The following SRGAP3 variants were observed in gnomAD, a reference collection of about 807,000 sequenced individuals.
The protein encoded by SRGAP3 is SLIT-ROBO Rho GTPase-activating protein 3.
Under a neutral mutation model 121.1 loss-of-function variants are expected in SRGAP3, and 39 were observed. The observed-to-expected ratio is 0.32, with a 90% CI of 0.25 to 0.42. The LOEUF is 0.42. SRGAP3 is among the 10% of genes least tolerant of loss of function. The probability of loss-of-function intolerance (pLI) is 1.00; values close to 1 mark genes in which losing one functional copy is unlikely to be tolerated. For missense variants in SRGAP3, 1,213 were observed against 1,470.6 expected, an observed-to-expected ratio of 0.82 and a Z score of 2.86; for synonymous variants, 601 against 570.0, an observed-to-expected ratio of 1.05 and a Z score of -0.77.
At chr3:9,065,531 G>A (rs996875881) in intron 4 of SRGAP3, 1 of 152,136 alleles carries the variant, frequency 6.6e-6, no homozygotes, top group African/African-American at 2.4e-5. Context: ...TCATAGATTT[G>A]CCTTCTGTCA....
intron 1 of SRGAP3, among the ~76,000 whole-genome samples, chr3:9,356,996 C>T (rs1457499897): frequency 1.3e-5 from 2 of 151,914 alleles, no homozygotes; most frequent in East Asian, 3.9e-4. Flanking sequence ...GGTGTGGTGG[C>T]TCATGCCTGT....
intron 12 of SRGAP3, among the ~76,000 whole-genome samples, chr3:9,032,099 C>T (rs1238433237): frequency 6.6e-6 from 1 of 152,154 alleles, no homozygotes; most frequent in African/African-American, 2.4e-5. Context: ...AACTTTTCTC[C>T]CTTCTCCCAG....
chr3:9,080,988 A>G (rs1236668220), intron 3 of SRGAP3, among the ~76,000 whole-genome samples: 1 of 152,172 alleles, frequency 6.6e-6, no homozygotes, highest in Non-Finnish European at 1.5e-5. Context: ...AATCATCCCG[A>G]AACCATCGCC....
intron 3 of SRGAP3, among the ~76,000 whole-genome samples, chr3:9,280,972 G>T (rs372248288): frequency 6.6e-6 from 1 of 152,122 alleles, no homozygotes; most frequent in Non-Finnish European, 1.5e-5. Context: ...TGAATTGTTG[G>T]GGGTGGTGGG....
chr3:9,081,897 A>G lies in SRGAP3; in HGVS notation c.424-1810T>C, dbSNP rs537964267. The stretch of plus-strand genomic sequence containing the variant: ...TCCTATTTTGAAATCCTAACCCCCA[A>G]TGTGATGGTATTAGGAGGTGACGTC... On this transcript the variant is annotated intron_variant, in intron 3 of 21. Transcript: ENST00000383836. Among the ~76,000 whole-genome samples, 10 of 152,230 alleles carry G rather than the reference A, an allele frequency of 6.6e-5. No homozygotes were observed. In the South Asian group the frequency reaches 8.3e-4, roughly 13 times the overall value.
At chr3:9,261,421 C>T (rs1954253229) in intron 3 of SRGAP3, among the ~76,000 whole-genome samples, 1 of 151,912 alleles carries the variant, frequency 6.6e-6, no homozygotes, top group African/African-American at 2.4e-5. Flanking sequence ...GAAGCATGTT[C>T]TAACTAAATG....
intron 11 of SRGAP3, chr3:9,033,664 C>T (rs1316849286): frequency 1.3e-5 from 2 of 152,302 alleles, no homozygotes; most frequent in Non-Finnish European, 2.9e-5. Flanking sequence ...ACGTCGTGAT[C>T]TGCCCGCCTT....
At chr3:9,020,027 C>T (rs1297328867) in intron 14 of SRGAP3, among the ~76,000 whole-genome samples, 1 of 152,224 alleles carries the variant, frequency 6.6e-6, no homozygotes, top group African/African-American at 2.4e-5. Context: ...ACTCTCCTAA[C>T]CCTTACAACA....
intron 1 of SRGAP3, among the ~76,000 whole-genome samples, chr3:9,202,610 C>CCACCCT (rs750708350): frequency 5.6e-4 from 86 of 152,318 alleles, no homozygotes; most frequent in Non-Finnish European, 1.1e-3. Flanking sequence ...CCTGCCTGCC[C>CCACCCT]CACCCTCGAG....
intron 1 of SRGAP3, among the ~76,000 whole-genome samples, chr3:9,132,025 C>T (rs948788989): frequency 1.3e-5 from 2 of 152,158 alleles, no homozygotes; most frequent in Admixed American, 6.5e-5. Context: ...CCTCATACTC[C>T]CCACTGCTCC....
At chr3:9,343,690 A>G (rs1472983910) in intron 1 of SRGAP3, among the ~76,000 whole-genome samples, 1 of 152,188 alleles carries the variant, frequency 6.6e-6, no homozygotes. Context: ...AAATTTTTTG[A>G]GACAGGGTCT....
intron 5 of SRGAP3, among the ~76,000 whole-genome samples, chr3:9,063,927 T>A (rs1297759350): frequency 2.0e-5 from 3 of 152,232 alleles, no homozygotes; most frequent in Non-Finnish European, 2.9e-5. Flanking sequence ...AATTTTGGAA[T>A]GAGCCCTTCA....
At chr3:9,122,606 G>A (rs914558225) in intron 2 of SRGAP3, among the ~76,000 whole-genome samples, 1 of 151,860 alleles carries the variant, frequency 6.6e-6, no homozygotes, top group African/African-American at 2.4e-5. Context: ...CTACTTGGGA[G>A]GCTGAGGCAG....
intron 3 of SRGAP3, among the ~76,000 whole-genome samples, chr3:9,298,569 C>G (rs1954993785): frequency 6.6e-6 from 1 of 152,136 alleles, no homozygotes; most frequent in Non-Finnish European, 1.5e-5. Context: ...TCCTATGTAC[C>G]CTTTCCATAA....
At chr3:9,010,551 A>G (rs1943311663) in intron 17 of SRGAP3, among the ~76,000 whole-genome samples, 164 bp from the exon 18 acceptor site, 1 of 152,188 alleles carries the variant, frequency 6.6e-6, no homozygotes, top group Non-Finnish European at 1.5e-5. Flanking sequence ...GGACCTTCCT[A>G]ATCAGAAAAC....
At chr3:9,110,670 A>G (rs1948591495) in intron 2 of SRGAP3, among the ~76,000 whole-genome samples, 1 of 152,256 alleles carries the variant, frequency 6.6e-6, no homozygotes, top group African/African-American at 2.4e-5. Flanking sequence ...CCATCCCAGC[A>G]TGGGAAACTG....
At chr3:9,312,036 A>G (rs1309280538) in intron 3 of SRGAP3, among the ~76,000 whole-genome samples, 1 of 152,220 alleles carries the variant, frequency 6.6e-6, no homozygotes, top group Admixed American at 6.5e-5. Flanking sequence ...TTTTATATCT[A>G]ATCTGCACAA....
At chr3:9,249,909 T>C (rs1340334900), upstream of SRGAP3, among the ~76,000 whole-genome samples, 1 of 152,216 alleles carries the variant, frequency 6.6e-6, no homozygotes, top group African/African-American at 2.4e-5. Context: ...CTCCCTTTTT[T>C]TGCACTGTGC....
intron 20 of SRGAP3, among the ~76,000 whole-genome samples, chr3:8,991,058 T>C (rs1942028363): frequency 6.6e-6 from 1 of 152,166 alleles, no homozygotes; most frequent in African/African-American, 2.4e-5. Flanking sequence ...ATGAAAGCAT[T>C]TGGAGCACGG....
Sources: gnomAD v4.1 joint callset for allele counts (sites outside exome capture counted in the v4.1 genomes callset) on GRCh38, gnomAD v4.1.1 for gene constraint, MANE v1.5 for transcripts, NCBI Gene and HGNC (gene_info 2026-07-23, HGNC 2026-07-21) for gene names.